BSCL2: variants seen among roughly 807,000 people sequenced by gnomAD.
BSCL2 encodes seipin.
A neutral mutation model predicts 57.4 loss-of-function variants in BSCL2; 41 were observed. That is an observed-to-expected ratio of 0.71 (90% CI 0.56 to 0.93). The LOEUF is 0.93. BSCL2 is among the 40% of genes least tolerant of loss of function. The probability of loss-of-function intolerance (pLI) is 0.00; values close to 1 mark genes in which losing one functional copy is unlikely to be tolerated. For missense variants in BSCL2, 539 were observed against 586.7 expected, an observed-to-expected ratio of 0.92 and a Z score of 0.84; for synonymous variants, 237 against 227.3, an observed-to-expected ratio of 1.04 and a Z score of -0.38.
At chr11:62,699,635 G>T (rs920357570) in intron 3 of BSCL2, among the ~76,000 whole-genome samples, 2 of 149,988 alleles carry the variant, frequency 1.3e-5, no homozygotes, top group Non-Finnish European at 3.0e-5. Context: ...GAGCCCAGGA[G>T]TTTGAGACCA....
At chr11:62,702,179 G>C (rs982917053) in intron 3 of BSCL2, among the ~76,000 whole-genome samples, 4 of 151,388 alleles carry the variant, frequency 2.6e-5, no homozygotes, top group African/African-American at 9.7e-5. Context: ...TGATTCTCCT[G>C]CCTCAGCCTC....
intron 1 of BSCL2, chr11:62,706,320 C>G (rs1166268671): frequency 8.9e-6 from 10 of 1,127,806 alleles, no homozygotes; most frequent in Non-Finnish European, 8.8e-6. Context: ...GGAAGTCCCG[C>G]CCCTCTCCGC....
chr11:62,706,287 G>C, intron 1 of BSCL2: 1 of 1,116,130 alleles, frequency 9.0e-7, no homozygotes, highest in Non-Finnish European at 1.1e-6. Context: ...GGGCAACCGT[G>C]AGACGGGACT....
chr11:62,698,280 C>A (rs1382705679), intron 3 of BSCL2, among the ~76,000 whole-genome samples: 1 of 151,190 alleles, frequency 6.6e-6, no homozygotes, highest in African/African-American at 2.4e-5. Context: ...CTCACTGTGA[C>A]CTCTGCCTCC....
Position 62,705,556 on chromosome 11 carries a change from T to C in BSCL2, c.149A>G (p.Asn50Ser). Residue 50 changes from asparagine (N) to serine (S), a missense_variant, in exon 2 of 11, where the codon AAC becomes AGC. Coordinates refer to ENST00000360796, the MANE Select transcript of BSCL2 (RefSeq NM_001122955.4). ...GWRPGGRAAR[N>S]ARPEPGARHP... ...TCTGGCCCCAGGTTCAGGCCTTGCG[T>C]TCCTAGCTGCTCTGCCACCTGGACG... The C allele has an allele frequency of 6.2e-7, 1 of 1,602,352 alleles. No individual in the cohort carries two copies. The highest frequency in any genetic ancestry group is 8.5e-7 in the Non-Finnish European group (1 of 1,172,138).
At chr11:62,706,436 T>C in intron 1 of BSCL2, 1 of 471,776 alleles carries the variant, frequency 2.1e-6, no homozygotes, top group Non-Finnish European at 3.5e-6. Flanking sequence ...GCGAGGTCGC[T>C]GTCTCCTTGC....
intron 3 of BSCL2, among the ~76,000 whole-genome samples, chr11:62,696,839 G>A (rs1945482423): frequency 6.6e-6 from 1 of 152,082 alleles, no homozygotes; most frequent in South Asian, 2.1e-4. Context: ...ATAGGTGTGA[G>A]CCACTGCCCT....
intron 3 of BSCL2, among the ~76,000 whole-genome samples, chr11:62,699,520 T>C (rs11231193): frequency 0.17 from 25,613 of 151,962 alleles, 2,347 homozygotes; most frequent in Non-Finnish European, 0.22. Context: ...TTTTTAACCA[T>C]AGAAGCAAAC....
chr11:62,708,832 C>T (rs768696520), upstream of BSCL2: 4 of 1,574,600 alleles, frequency 2.5e-6, no homozygotes, highest in South Asian at 1.1e-5. Context: ...CTCACAACTC[C>T]TCCCTTTTCC....
chr11:62,706,050 C>T, intron 1 of BSCL2: 1 of 278,736 alleles, frequency 3.6e-6, no homozygotes, highest in Non-Finnish European at 5.9e-6. Context: ...AGAGTAGCCA[C>T]AATTGCTTCC....
At chr11:62,701,309 T>G (rs1355171678) in intron 3 of BSCL2, among the ~76,000 whole-genome samples, 1 of 152,134 alleles carries the variant, frequency 6.6e-6, no homozygotes, top group Non-Finnish European at 1.5e-5. Flanking sequence ...GGTCCTCAGT[T>G]TATGATGGGG....
chr11:62,700,084 T>TAAAAAAAAA (rs34412546), intron 3 of BSCL2, among the ~76,000 whole-genome samples: 17 of 80,194 alleles, frequency 2.1e-4, no homozygotes, highest in Non-Finnish European at 2.4e-4. Flanking sequence ...TACTAAAAAT[T>TAAAAAAAAA]AAAAAAAAAA....
chr11:62,696,115 G>A (rs1237707803), intron 3 of BSCL2, among the ~76,000 whole-genome samples: 2 of 152,180 alleles, frequency 1.3e-5, no homozygotes, highest in Non-Finnish European at 1.5e-5. Context: ...AGGTTGCAGT[G>A]AGCTGAGATC....
upstream of BSCL2, chr11:62,708,136 A>T: frequency 1.6e-6 from 1 of 643,066 alleles, no homozygotes; most frequent in South Asian, 1.8e-5. Flanking sequence ...TTCCATGAGG[A>T]ATACAGGGAT....
chr11:62,709,132 T>C (rs1252085810), upstream of BSCL2: 6 of 479,146 alleles, frequency 1.3e-5, no homozygotes, highest in Admixed American at 1.4e-4. Flanking sequence ...GCCAGGTTCT[T>C]GCTCTCAGTC....
chr11:62,706,543 AG>A, intron 1 of BSCL2: 1 of 459,804 alleles, frequency 2.2e-6, no homozygotes, highest in Non-Finnish European at 4.4e-6. Flanking sequence ...GATGTGCCCC[AG>A]GGGATGCGCT....
chr11:62,701,254 A>G (rs1434539864), intron 3 of BSCL2, among the ~76,000 whole-genome samples: 3 of 152,212 alleles, frequency 2.0e-5, no homozygotes, highest in Non-Finnish European at 4.4e-5. Flanking sequence ...GATATTGCTC[A>G]CTTTACCTAG....
chr11:62,707,337 C>G lies in BSCL2; in HGVS notation c.-142G>C. ...AAATGGAGGGTCCCTGGGAGAGAAA[C>G]GAAGATTCAGGTGCTAAGTGCTGTG... On this transcript the variant is annotated 5_prime_UTR_variant, in exon 1 of 11. Coordinates refer to ENST00000360796, the MANE Select transcript of BSCL2 (RefSeq NM_001122955.4). 1.2e-6 allele frequency: 1 copy of G among 800,308 alleles called. No homozygotes were observed. The highest frequency in any genetic ancestry group is 1.4e-5 in the South Asian group (1 of 69,424). 49.6% of individuals were successfully genotyped at this position (800,308 alleles called of 1,614,324 possible). A position where few individuals can be genotyped will look rare whatever the true frequency, so the allele number is the denominator to read the frequency against.
chr11:62,694,720 G>A lies in BSCL2; in HGVS notation c.487-9C>T, dbSNP rs768857448. The A allele has an allele frequency of 3.6e-5, 58 of 1,613,746 alleles. No individual in the cohort carries two copies. The highest frequency in any genetic ancestry group is 4.7e-5 in the Non-Finnish European group (56 of 1,179,936). On this transcript the variant is annotated splice_polypyrimidine_tract_variant and intron_variant, in intron 3 of 10. Coordinates refer to ENST00000360796, the MANE Select transcript of BSCL2 (RefSeq NM_001122955.4). ...TGTCCATACATCAGCACCTGCCAAA[G>A]GTAGCCCCCATTTCTTTAAAAAAAT... is the stretch of plus-strand genomic sequence containing the variant.
Sources: gnomAD v4.1 joint callset for allele counts (sites outside exome capture counted in the v4.1 genomes callset) on GRCh38, gnomAD v4.1.1 for gene constraint, MANE v1.5 for transcripts, NCBI Gene and HGNC (gene_info 2026-07-23, HGNC 2026-07-21) for gene names.